The following FAM83G variants were observed in gnomAD, a reference collection of about 807,000 sequenced individuals.
The protein encoded by FAM83G is scaffolding CK1 anchoring protein G.
A neutral mutation model predicts 61.5 loss-of-function variants in FAM83G; 38 were observed. That is an observed-to-expected ratio of 0.62 (90% CI 0.48 to 0.81). The LOEUF is 0.81. Ranked by LOEUF, FAM83G falls within the 30% of genes least tolerant of loss-of-function variation. The pLI is 0.00. For missense variants in FAM83G, 989 were observed against 1,133.6 expected, an observed-to-expected ratio of 0.87 and a Z score of 1.83; for synonymous variants, 470 against 476.1, an observed-to-expected ratio of 0.99 and a Z score of 0.17.
At chr17:18,975,826 C>T (rs566997371) in intron 5 of FAM83G, 1 of 152,258 alleles carries the variant, frequency 6.6e-6, no homozygotes, top group South Asian at 2.1e-4. Flanking sequence ...GTACTAAAAA[C>T]CATGGGAACA....
intron 2 of FAM83G, among the ~76,000 whole-genome samples, chr17:18,998,686 G>A (rs1042963448): frequency 7.9e-5 from 12 of 152,200 alleles, no homozygotes; most frequent in African/African-American, 2.9e-4. Flanking sequence ...CTTAATTAAG[G>A]GAAGGGAGCC....
At chr17:18,987,737 G>A (rs1257507368) in intron 3 of FAM83G, among the ~76,000 whole-genome samples, 2 of 152,168 alleles carry the variant, frequency 1.3e-5, no homozygotes, top group South Asian at 2.1e-4. Flanking sequence ...TGCAGCCATC[G>A]CAGAAGCCTT....
intron 2 of FAM83G, among the ~76,000 whole-genome samples, chr17:18,994,711 G>C (rs565616818): frequency 6.6e-6 from 1 of 152,312 alleles, no homozygotes; most frequent in Non-Finnish European, 1.5e-5. Flanking sequence ...TACTGCCTCA[G>C]CAGTTGACAA....
At chr17:18,986,703 C>T (rs1344900322) in intron 3 of FAM83G, among the ~76,000 whole-genome samples, 1 of 152,250 alleles carries the variant, frequency 6.6e-6, no homozygotes, top group Non-Finnish European at 1.5e-5. Context: ...GTTAGGGTCC[C>T]TGCTCCAAAC....
intron 3 of FAM83G, chr17:18,986,276 T>G (rs1349414311): frequency 6.6e-6 from 1 of 152,264 alleles, no homozygotes; most frequent in Admixed American, 6.5e-5. Flanking sequence ...AGAAGATTGG[T>G]TGAGCCAATA....
In FAM83G at chr17:18,978,480, G is replaced by A. The variant is rs1195350632; in HGVS notation, c.1186C>T (p.His396Tyr). 3.1e-6 allele frequency: 5 copies of A among 1,612,008 alleles called. No homozygotes were observed. In the South Asian group the frequency reaches 3.3e-5, roughly 11 times the overall value. ...GELPELLPPI[H>Y]PGLLHLERAN... Reference sequence around the variant, plus strand: ...CTCTCCAGGTGAAGCAGTCCTGGGTGGATGGGTGGCAGCAGCTCGGGGAGT... The same window carrying A: ...CTCTCCAGGTGAAGCAGTCCTGGGTAGATGGGTGGCAGCAGCTCGGGGAGT... Residue 396 changes from histidine (H) to tyrosine (Y), a missense_variant, in exon 5 of 6, where the codon CAC becomes TAC. His to Tyr is a moderately conservative substitution (Grantham distance 83). Transcript: ENST00000388995.
At chr17:18,976,142 C>A (rs946938910) in intron 5 of FAM83G, 1 of 142,388 alleles carries the variant, frequency 7.0e-6, no homozygotes, top group Non-Finnish European at 1.5e-5. Flanking sequence ...GAGCCGAGAT[C>A]GCACCACTGC....
chr17:18,988,143 T>G, intron 3 of FAM83G, 104 bp downstream of exon 3: 1 of 1,494,248 alleles, frequency 6.7e-7, no homozygotes, highest in Non-Finnish European at 8.9e-7. Context: ...TCTGAGTGCC[T>G]GGCACAGGAC....
Position 18,971,332 on chromosome 17 carries a change from G to T in FAM83G, c.*27C>A. ...ATGAGTCTGGGCTGGGGCCTCAGAA[G>T]GTGTGGCTCCAGGCTGGGACATGCT... On this transcript the variant is annotated 3_prime_UTR_variant, in exon 6 of 6. Transcript: ENST00000388995. The surrounding 1 kb of genome is among the most constrained non-coding windows in gnomAD (Gnocchi z 5.5). 6.2e-7 allele frequency: 1 copy of T among 1,606,598 alleles called. No homozygotes were observed.
At chr17:18,985,314 G>A (rs1313276611) in intron 3 of FAM83G, among the ~76,000 whole-genome samples, 13 of 152,198 alleles carry the variant, frequency 8.5e-5, no homozygotes, top group Non-Finnish European at 2.9e-5. Context: ...AGGATTCAGT[G>A]ACTCTGCCCA....
chr17:18,977,866 G>A lies in FAM83G; in HGVS notation c.1800C>T (p.Ser600=), dbSNP rs771017043. ...LSDQDSHSGS[S]GRGPGPRRPS... ...GCCGTCGGGGGCCAGGGCCACGGCC[G>A]GAGCTGCCTGAGTGGCTGTCCTGGT... is the stretch of plus-strand genomic sequence containing the variant. The change falls in exon 5 of 6, where the codon TCC becomes TCT. Residue 600 remains serine (S), a synonymous_variant. Coordinates refer to ENST00000388995, the MANE Select transcript of FAM83G (RefSeq NM_001039999.3). The A allele has an allele frequency of 4.5e-5, 73 of 1,610,858 alleles. 2 individuals are homozygous for A. The highest frequency in any genetic ancestry group is 6.6e-5 in the South Asian group (6 of 91,040).
intron 5 of FAM83G, among the ~76,000 whole-genome samples, chr17:18,972,360 C>T (rs1042651346): frequency 1.3e-5 from 2 of 152,332 alleles, no homozygotes; most frequent in East Asian, 1.9e-4. Context: ...ACGATCACAG[C>T]GCTCACACAA....
At position 18,969,129 on chromosome 17, in the gene FAM83G, C is replaced by T. The variant is rs201314485; in HGVS notation, c.*2230G>A. 8.1e-6 allele frequency: 13 copies of T among 1,614,136 alleles called. No individual in the cohort carries two copies. Among genetic ancestry groups the T allele is most frequent in the South Asian group, 3.3e-5 (3 of 91,076 alleles). On this transcript the variant is annotated 3_prime_UTR_variant, in exon 6 of 6. Coordinates refer to ENST00000388995, the MANE Select transcript of FAM83G (RefSeq NM_001039999.3). ...TCTACCTCTCCACCATCCTCACGCT[C>T]GGCATCACAGCCCTGTACACCATCG... is the stretch of plus-strand genomic sequence containing the variant.
chr17:18,983,295 T>C (rs1348294359), intron 3 of FAM83G, among the ~76,000 whole-genome samples: 1 of 152,214 alleles, frequency 6.6e-6, no homozygotes, highest in Non-Finnish European at 1.5e-5. Flanking sequence ...ACTATGGCCA[T>C]GGGGCGCTCG....
intron 5 of FAM83G, among the ~76,000 whole-genome samples, chr17:18,974,220 T>G (rs2042928099): frequency 6.6e-6 from 1 of 152,144 alleles, no homozygotes; most frequent in Non-Finnish European, 1.5e-5. Context: ...GAAATGGGGT[T>G]TCACCATGTT....
At chr17:19,005,655 C>CCT (rs1567808973), upstream of FAM83G, among the ~76,000 whole-genome samples, 3 of 152,084 alleles carry the variant, frequency 2.0e-5, no homozygotes, top group South Asian at 6.3e-4. Context: ...AAACCCCCCC[C>CCT]CTCCAAGGCC....
chr17:18,981,896 C>T (rs2043144164), intron 3 of FAM83G, among the ~76,000 whole-genome samples: 1 of 152,198 alleles, frequency 6.6e-6, no homozygotes, highest in South Asian at 2.1e-4. Context: ...AGAAGTCGGA[C>T]AAAGATCCTG....
chr17:19,005,278 C>T (rs777763246), upstream of FAM83G, among the ~76,000 whole-genome samples: 89 of 152,190 alleles, frequency 5.8e-4, no homozygotes, highest in African/African-American at 2.1e-3. Context: ...GAGGGGTCCC[C>T]GGACTGCTTC....
At position 19,003,846 on chromosome 17, in the gene FAM83G, G is replaced by A; in HGVS notation, c.196C>T (p.Arg66Cys). ...RDFLSELELK[R>C]ILETIEVYDP... ...TACACCTCGATGGTCTCCAGGATGC[G>A]CTTGAGCTCCAGCTCCGAGAGGAAG... The change falls in exon 2 of 6, where the codon CGC becomes TGC. Residue 66 changes from arginine (R) to cysteine (C), a missense_variant. Around this residue, in one of 3 missense-constraint regions of FAM83G, gnomAD observed 371 missense variants for 404.5 expected, o/e 0.92. Transcript: ENST00000388995. This position sits in a 1 kb window ranked among gnomAD's most constrained non-coding sequence, Gnocchi z 4.5. 6.2e-7 allele frequency: 1 copy of A among 1,613,008 alleles called. No individual in the cohort carries two copies. Among genetic ancestry groups the A allele is most frequent in the Non-Finnish European group, 8.5e-7 (1 of 1,179,920 alleles).
Sources: gnomAD v4.1 joint callset for allele counts (sites outside exome capture counted in the v4.1 genomes callset) on GRCh38, gnomAD v4.1.1 for gene constraint, gnomAD v4.1.1 regional missense constraint, Gnocchi (gnomAD v3.1) non-coding constraint, MANE v1.5 for transcripts, NCBI Gene and HGNC (gene_info 2026-07-23, HGNC 2026-07-21) for gene names.